Variants in KCNIP4 observed in about 807,000 individuals in gnomAD.
The protein encoded by KCNIP4 is Kv channel-interacting protein 4.
Under a neutral mutation model 34.0 loss-of-function variants are expected in KCNIP4, and 12 were observed. The ratio of observed to expected loss-of-function variants is 0.35; its 90% CI spans 0.23 to 0.57. The LOEUF is 0.57. Ranked by LOEUF, KCNIP4 falls within the 20% of genes least tolerant of loss-of-function variation. The probability of loss-of-function intolerance (pLI) is 0.83; values close to 1 mark genes in which losing one functional copy is unlikely to be tolerated. For missense variants in KCNIP4, 238 were observed against 311.7 expected, an observed-to-expected ratio of 0.76 and a Z score of 1.78; for synonymous variants, 124 against 102.2, an observed-to-expected ratio of 1.21 and a Z score of -1.29.
At chr4:21,505,169 A>C (rs1446498121) in intron 1 of KCNIP4, among the ~76,000 whole-genome samples, 5 of 152,166 alleles carry the variant, frequency 3.3e-5, no homozygotes, top group Admixed American at 2.0e-4. Context: ...AGAGCATCTT[A>C]AAGTTTAGAG....
At chr4:21,139,044 T>C (rs556062674) in intron 1 of KCNIP4, among the ~76,000 whole-genome samples, 1 of 152,348 alleles carries the variant, frequency 6.6e-6, no homozygotes, top group South Asian at 2.1e-4. Context: ...CCAGTAGCCA[T>C]AGGAAGCCAA....
intron 1 of KCNIP4, among the ~76,000 whole-genome samples, chr4:20,892,377 CT>C (rs965753457): frequency 1.3e-5 from 2 of 152,152 alleles, no homozygotes; most frequent in Non-Finnish European, 2.9e-5. Flanking sequence ...CTTTCCATCT[CT>C]CTATCTGTCT....
chr4:21,314,978 G>A (rs1280532923), intron 1 of KCNIP4, among the ~76,000 whole-genome samples: 1 of 152,062 alleles, frequency 6.6e-6, no homozygotes, highest in East Asian at 1.9e-4. Flanking sequence ...CTACAGTTAT[G>A]GCTGATCTTA....
At chr4:20,923,506 C>T (rs763150127) in intron 1 of KCNIP4, among the ~76,000 whole-genome samples, 6 of 152,224 alleles carry the variant, frequency 3.9e-5, no homozygotes, top group Non-Finnish European at 8.8e-5. Flanking sequence ...AGAAAAAGCT[C>T]ATTGATACAT....
intron 1 of KCNIP4, among the ~76,000 whole-genome samples, chr4:21,298,884 C>T (rs1001092647): frequency 3.3e-5 from 5 of 152,140 alleles, no homozygotes; most frequent in African/African-American, 1.2e-4. Flanking sequence ...CCTAATTTAA[C>T]ACTTTCTCCC....
At chr4:21,366,916 T>C (rs1179849257) in intron 1 of KCNIP4, among the ~76,000 whole-genome samples, 4 of 152,164 alleles carry the variant, frequency 2.6e-5, no homozygotes, top group Non-Finnish European at 4.4e-5. Context: ...TGAAGTTTAA[T>C]CACCAATGTG....
chr4:21,186,341 GGC>G, intron 1 of KCNIP4, among the ~76,000 whole-genome samples: 1 of 152,290 alleles, frequency 6.6e-6, no homozygotes, highest in East Asian at 1.9e-4. Context: ...TGTCAGCTAA[GGC>G]TCCTGCTGTG....
At chr4:20,832,611 A>T (rs1560499141) in intron 3 of KCNIP4, among the ~76,000 whole-genome samples, 1 of 151,480 alleles carries the variant, frequency 6.6e-6, no homozygotes, top group Non-Finnish European at 1.5e-5. Flanking sequence ...GAATATATTA[A>T]AAATGAAAAT....
At chr4:21,344,475 G>C (rs368811243) in intron 1 of KCNIP4, among the ~76,000 whole-genome samples, 4 of 152,136 alleles carry the variant, frequency 2.6e-5, no homozygotes, top group South Asian at 2.1e-4. Flanking sequence ...TCAGGAGAGA[G>C]TTTTAAGAAA....
chr4:20,878,244 C>T (rs1043802685), intron 2 of KCNIP4, among the ~76,000 whole-genome samples: 1 of 152,150 alleles, frequency 6.6e-6, no homozygotes, highest in African/African-American at 2.4e-5. Context: ...GATTCATGCT[C>T]ATGATATTTC....
chr4:21,150,294 CT>C (rs1752668315), intron 1 of KCNIP4, among the ~76,000 whole-genome samples: 1 of 144,784 alleles, frequency 6.9e-6, no homozygotes, highest in South Asian at 2.1e-4. Context: ...GAGGGTAATG[CT>C]TGGCTCCATT....
At chr4:21,214,836 G>C (rs1178958006) in intron 1 of KCNIP4, among the ~76,000 whole-genome samples, 9 of 152,130 alleles carry the variant, frequency 5.9e-5, no homozygotes. Flanking sequence ...ACATGCAGGA[G>C]GTAATTTCTT....
At chr4:21,428,965 C>T (rs1285130472) in intron 1 of KCNIP4, among the ~76,000 whole-genome samples, 3 of 152,072 alleles carry the variant, frequency 2.0e-5, no homozygotes, top group Non-Finnish European at 4.4e-5. Flanking sequence ...AATGGATGAA[C>T]TTAGATTAAT....
intron 1 of KCNIP4, among the ~76,000 whole-genome samples, chr4:21,415,250 T>C (rs1724851563): frequency 6.6e-6 from 1 of 151,994 alleles, no homozygotes; most frequent in Admixed American, 6.6e-5. Flanking sequence ...AGTAATCACA[T>C]TCATAGAATC....
At chr4:20,994,027 T>C (rs1410245265) in intron 1 of KCNIP4, among the ~76,000 whole-genome samples, 1 of 152,200 alleles carries the variant, frequency 6.6e-6, no homozygotes, top group Admixed American at 6.5e-5. Flanking sequence ...TCTACCTCCC[T>C]CTTTCTTTTA....
chr4:21,374,472 C>T (rs1720789021), intron 1 of KCNIP4, among the ~76,000 whole-genome samples: 1 of 147,006 alleles, frequency 6.8e-6, no homozygotes, highest in South Asian at 2.1e-4. Flanking sequence ...TTATCTTCCA[C>T]CAGGTCCCTC....
intron 3 of KCNIP4, among the ~76,000 whole-genome samples, chr4:20,788,067 T>C (rs1712239882): frequency 6.6e-6 from 1 of 152,186 alleles, no homozygotes; most frequent in Non-Finnish European, 1.5e-5. Context: ...ATAGTTCATT[T>C]ACTTGTATGT....
chr4:21,741,156 C>T (rs1486385129), intron 1 of KCNIP4, among the ~76,000 whole-genome samples: 7 of 152,088 alleles, frequency 4.6e-5, no homozygotes, highest in Middle Eastern at 3.2e-3. Flanking sequence ...ATAGCATTTC[C>T]AAACCCAATT....
At chr4:21,464,422 T>A (rs1034420041) in intron 1 of KCNIP4, among the ~76,000 whole-genome samples, 9 of 152,098 alleles carry the variant, frequency 5.9e-5, no homozygotes, top group South Asian at 2.1e-4. Context: ...TCATAGCATT[T>A]TCTAATCTTT....
Sources: gnomAD v4.1 joint callset for allele counts (sites outside exome capture counted in the v4.1 genomes callset) on GRCh38, gnomAD v4.1.1 for gene constraint, MANE v1.5 for transcripts, NCBI Gene and HGNC (gene_info 2026-07-23, HGNC 2026-07-21) for gene names.